The following PTPRC variants were observed in gnomAD, a reference collection of about 807,000 sequenced individuals.
PTPRC encodes receptor-type tyrosine-protein phosphatase C.
Under a neutral mutation model 155.9 loss-of-function variants are expected in PTPRC, and 44 were observed. The ratio of observed to expected loss-of-function variants is 0.28; its 90% CI spans 0.22 to 0.36. The LOEUF is 0.36. Among genes scored for constraint, PTPRC ranks in the 10% least tolerant of loss-of-function variants. The probability of loss-of-function intolerance (pLI) is 1.00; values close to 1 mark genes in which losing one functional copy is unlikely to be tolerated. For synonymous variants in PTPRC, 525 were observed against 533.1 expected, an observed-to-expected ratio of 0.98 and a Z score of 0.21; for missense variants, 1,401 against 1,564.6, an observed-to-expected ratio of 0.90 and a Z score of 1.76.
chr1:198,749,470 A>T lies in PTPRC; in HGVS notation c.2993A>T (p.Glu998Val), dbSNP rs1655282848. Residue 998 changes from glutamate (E) to valine (V), a missense_variant, in exon 28 of 33, where the codon GAG becomes GTG. Coordinates refer to ENST00000442510, the MANE Select transcript of PTPRC (RefSeq NM_002838.5). The stretch of plus-strand genomic sequence containing the variant: ...GAGCTGGAAATGAGTAAAGAGAGTG[A>T]GCATGATTCAGATGAATCCTCTGAT... ...KHELEMSKES[E>V]HDSDESSDDD... 6.2e-7 allele frequency: 1 copy of T among 1,609,762 alleles called. No homozygotes were observed. The highest frequency in any genetic ancestry group is 2.2e-5 in the East Asian group (1 of 44,494).
At chr1:198,722,702 T>C (rs900717405) in intron 15 of PTPRC, among the ~76,000 whole-genome samples, 1 of 148,910 alleles carries the variant, frequency 6.7e-6, no homozygotes, top group Non-Finnish European at 1.5e-5. Context: ...ATTAAAGGTT[T>C]GTTGAATTCA....
chr1:198,709,660 T>G, intron 10 of PTPRC, 27 bp from the exon 11 acceptor site: 1 of 1,504,856 alleles, frequency 6.6e-7, no homozygotes. Context: ...CATCGATATA[T>G]TCATTCGAAA....
intron 32 of PTPRC, among the ~76,000 whole-genome samples, chr1:198,755,226 T>A (rs1235222258): frequency 6.6e-6 from 1 of 152,112 alleles, no homozygotes; most frequent in East Asian, 1.9e-4. Context: ...AAAATAAGTT[T>A]TATATTCTTG....
chr1:198,712,275 G>A (rs1482086376), intron 11 of PTPRC, among the ~76,000 whole-genome samples: 3 of 152,064 alleles, frequency 2.0e-5, no homozygotes, highest in Non-Finnish European at 2.9e-5. Context: ...ACATGCAATG[G>A]GTAAAAAGAC....
At chr1:198,715,029 T>C (rs979875504) in intron 12 of PTPRC, among the ~76,000 whole-genome samples, 10 of 152,336 alleles carry the variant, frequency 6.6e-5, no homozygotes, top group Middle Eastern at 3.4e-3. Context: ...TGCATACATA[T>C]CTTCATAGTT....
At chr1:198,706,513 A>G (rs1652976164) in intron 8 of PTPRC, among the ~76,000 whole-genome samples, 1 of 152,210 alleles carries the variant, frequency 6.6e-6, no homozygotes, top group Admixed American at 6.5e-5. Context: ...ACAGACACTT[A>G]TCTGGTAATC....
Position 198,735,117 on chromosome 1 carries a change from TA to T in PTPRC, c.2278-6del, listed in dbSNP as rs1558030495. 2 of 1,578,712 alleles carry T rather than the reference TA, an allele frequency of 1.3e-6. No individual in the cohort carries two copies. The highest frequency in any genetic ancestry group is 3.5e-5 in the Admixed American group (2 of 57,702). On this transcript the variant is annotated splice_polypyrimidine_tract_variant and intron_variant, in intron 22 of 32. Transcript: ENST00000442510. The stretch of plus-strand genomic sequence containing the variant: ...AAAATTAAAATACTTAATAATTTTT[TA>T]AAATGTAGAACAAGTGTGCAGAATA...
chr1:198,734,799 A>C (rs184042872), intron 22 of PTPRC, among the ~76,000 whole-genome samples: 43 of 151,780 alleles, frequency 2.8e-4, no homozygotes, highest in Admixed American at 1.2e-3. Context: ...GACTTTAGGA[A>C]TAAAAGCCTC....
At chr1:198,668,945 G>T (rs1406052990) in intron 2 of PTPRC, among the ~76,000 whole-genome samples, 1 of 152,120 alleles carries the variant, frequency 6.6e-6, no homozygotes, top group African/African-American at 2.4e-5. Flanking sequence ...TTAAATTGAA[G>T]ATATTTGAAC....
chr1:198,659,057 A>C (rs1219922941), intron 2 of PTPRC, among the ~76,000 whole-genome samples: 2 of 152,308 alleles, frequency 1.3e-5, no homozygotes, highest in East Asian at 3.9e-4. Flanking sequence ...TTAATGATGA[A>C]TTTGAAGTTG....
At chr1:198,704,527 C>T in intron 8 of PTPRC, 29 bp downstream of exon 8, 6 of 1,613,926 alleles carry the variant, frequency 3.7e-6, no homozygotes, top group Non-Finnish European at 5.1e-6. Flanking sequence ...AATCAGCATA[C>T]CTCACTTTGG....
chr1:198,697,344 T>G (rs759833996), intron 4 of PTPRC, among the ~76,000 whole-genome samples: 2 of 152,178 alleles, frequency 1.3e-5, no homozygotes, highest in African/African-American at 2.4e-5. Context: ...CAAAAATTGT[T>G]GAAGATAGAG....
intron 4 of PTPRC, 79 bp downstream of exon 4, chr1:198,696,988 T>C: frequency 1.6e-6 from 2 of 1,271,698 alleles, no homozygotes; most frequent in Admixed American, 3.4e-5. Flanking sequence ...ACAACTTGTC[T>C]TTAAATTATT....
intron 32 of PTPRC, among the ~76,000 whole-genome samples, chr1:198,755,034 A>T (rs976159892): frequency 6.6e-6 from 1 of 152,120 alleles, no homozygotes; most frequent in Non-Finnish European, 1.5e-5. Flanking sequence ...CAAGGGAAAG[A>T]AGACTTGTGT....
At chr1:198,748,688 C>T (rs1442448804) in intron 27 of PTPRC, among the ~76,000 whole-genome samples, 2 of 151,634 alleles carry the variant, frequency 1.3e-5, no homozygotes, top group Non-Finnish European at 3.0e-5. Context: ...TCAAAATATG[C>T]ACAGTTTCAA....
At chr1:198,722,161 AT>A (rs1297966744) in intron 14 of PTPRC, among the ~76,000 whole-genome samples, 2 of 150,732 alleles carry the variant, frequency 1.3e-5, no homozygotes, top group East Asian at 3.9e-4. Context: ...ATTTTAAATA[AT>A]TATTTAATAA....
chr1:198,752,382 A>G lies in PTPRC; in HGVS notation c.3330+11A>G. On this transcript the variant is annotated intron_variant, in intron 30 of 32. Coordinates refer to ENST00000442510, the MANE Select transcript of PTPRC (RefSeq NM_002838.5). ...CTGAGACATTCCAAGGTATGGAAAC[A>G]ATTTGGGGAGTATATTTCTTTGATA... 1 of 1,612,430 alleles carries G rather than the reference A, an allele frequency of 6.2e-7. No individual in the cohort carries two copies. Among genetic ancestry groups the G allele is most frequent in the South Asian group, 1.1e-5 (1 of 91,068 alleles).
At chr1:198,695,888 G>T (rs1287786414) in intron 3 of PTPRC, among the ~76,000 whole-genome samples, 1 of 152,082 alleles carries the variant, frequency 6.6e-6, no homozygotes, top group Non-Finnish European at 1.5e-5. Flanking sequence ...TAGGCCAGGC[G>T]TGGTGGCTCA....
intron 2 of PTPRC, chr1:198,680,146 A>C: frequency 2.5e-6 from 1 of 399,610 alleles, no homozygotes; most frequent in Non-Finnish European, 4.5e-6. Context: ...GCCGGGGCTC[A>C]TTTATAGGAT....
Sources: gnomAD v4.1 joint callset for allele counts (sites outside exome capture counted in the v4.1 genomes callset) on GRCh38, gnomAD v4.1.1 for gene constraint, MANE v1.5 for transcripts, NCBI Gene and HGNC (gene_info 2026-07-23, HGNC 2026-07-21) for gene names.